The following ARHGEF7 variants were observed in gnomAD, a reference collection of about 807,000 sequenced individuals.
The protein encoded by ARHGEF7 is Rho guanine nucleotide exchange factor 7, also known as PAK-interacting exchange factor beta.
ARHGEF7 carries 33 observed loss-of-function variants against 109.8 expected under a neutral mutation model. The observed-to-expected ratio is 0.30, with a 90% CI of 0.23 to 0.40. The LOEUF (loss-of-function observed/expected upper bound fraction) is 0.40. ARHGEF7 is among the 10% of genes least tolerant of loss of function. ARHGEF7 has a pLI of 1.00. For missense variants in ARHGEF7, 938 were observed against 1,098.5 expected (o/e 0.85, Z 2.07); for synonymous variants, 458 against 424.6 (o/e 1.08, Z -0.97).
At chr13:111,242,182 G>A (rs2087907488) in intron 6 of ARHGEF7, among the ~76,000 whole-genome samples, 1 of 152,162 alleles carries the variant, frequency 6.6e-6, no homozygotes. Context: ...TCAGGGATGA[G>A]CCTGAGTTCC....
In ARHGEF7 at chr13:111,145,302, AAC is replaced by A. The variant is rs571224871; in HGVS notation, c.166-8601_166-8600del. On this transcript the variant is annotated intron_variant, in intron 1 of 21. Transcript: ENST00000646102. The surrounding 1 kb of genome is among the most constrained non-coding windows in gnomAD (Gnocchi z 4.3). ...CTCTCCAGGTTAGGGCCAGGCAGAA[AAC>A]AGATAGATGGCACACTGAACAGAGG... Among the ~76,000 whole-genome samples the A allele has an allele frequency of 4.4e-4, 67 of 152,320 alleles. No homozygotes were observed. The South Asian group carries it at 6.2e-3, about 14-fold the overall frequency.
intron 3 of ARHGEF7, among the ~76,000 whole-genome samples, chr13:111,206,726 C>A (rs1398329663): frequency 6.6e-6 from 1 of 152,008 alleles, no homozygotes; most frequent in East Asian, 1.9e-4. Flanking sequence ...CTTTGGGAGG[C>A]CGAGGCGGGC....
At chr13:111,176,882 C>T (rs2078216610) in intron 2 of ARHGEF7, among the ~76,000 whole-genome samples, 1 of 152,022 alleles carries the variant, frequency 6.6e-6, no homozygotes, top group Admixed American at 6.5e-5. Context: ...TCAGCCTCCC[C>T]AGTAGCTGGG....
chr13:111,257,749 A>G (rs1166352970), intron 8 of ARHGEF7, among the ~76,000 whole-genome samples: 1 of 152,262 alleles, frequency 6.6e-6, no homozygotes, highest in African/African-American at 2.4e-5. Flanking sequence ...GCCACGTAGC[A>G]CAGAGAGAAA....
Position 111,139,014 on chromosome 13 carries a change from G to C in ARHGEF7, c.166-14891G>C, listed in dbSNP as rs1367091450. ...TCATGAAAAGGGCTCAAAAAGCAAT[G>C]ACAGGTTCTCTGGAAACAAATGAAA... On this transcript the variant is annotated intron_variant, in intron 1 of 21. Transcript: ENST00000646102. 2.6e-5 allele frequency among the ~76,000 whole-genome samples: 4 copies of C among 152,304 alleles called. No homozygotes were observed. In the South Asian group the frequency reaches 8.3e-4, roughly 32 times the overall value.
At chr13:111,189,750 T>C (rs2153443745) in intron 2 of ARHGEF7, among the ~76,000 whole-genome samples, 1 of 152,326 alleles carries the variant, frequency 6.6e-6, no homozygotes, top group Non-Finnish European at 1.5e-5. Flanking sequence ...AGAGTGCTGA[T>C]TGGTGCATTT....
intron 16 of ARHGEF7, 31 bp downstream of exon 16, chr13:111,283,394 ATG>A: frequency 6.5e-7 from 1 of 1,535,208 alleles, no homozygotes; most frequent in Non-Finnish European, 8.7e-7. Context: ...AAACAGCCAG[ATG>A]ACGGTGAGCA....
At chr13:111,164,402 C>T (rs1256378619) in intron 2 of ARHGEF7, among the ~76,000 whole-genome samples, 2 of 152,228 alleles carry the variant, frequency 1.3e-5, no homozygotes, top group African/African-American at 2.4e-5. Flanking sequence ...TAGGCTGACT[C>T]CTGGCAAGGC....
chr13:111,193,337 C>G (rs983297849), intron 2 of ARHGEF7, among the ~76,000 whole-genome samples: 4 of 152,200 alleles, frequency 2.6e-5, no homozygotes, highest in East Asian at 1.9e-4. Context: ...GGAGGTTCCT[C>G]CTGGCAGCAA....
At chr13:111,220,734 A>G (rs1194611286) in intron 5 of ARHGEF7, among the ~76,000 whole-genome samples, 2 of 151,992 alleles carry the variant, frequency 1.3e-5, no homozygotes, top group African/African-American at 4.8e-5. Flanking sequence ...GTGTTTAGAA[A>G]CATGGCTCTC....
At chr13:111,262,698 G>GT (rs1309622945) in intron 8 of ARHGEF7, among the ~76,000 whole-genome samples, 1 of 152,148 alleles carries the variant, frequency 6.6e-6, no homozygotes, top group East Asian at 1.9e-4. Context: ...TTTCTCAAGT[G>GT]TTTTTTCTGA....
chr13:111,222,450 T>A (rs1373368172), intron 5 of ARHGEF7, among the ~76,000 whole-genome samples: 3 of 152,200 alleles, frequency 2.0e-5, no homozygotes, highest in African/African-American at 7.2e-5. Flanking sequence ...TTTACTATTT[T>A]ATTTTGAGAT....
intron 5 of ARHGEF7, among the ~76,000 whole-genome samples, chr13:111,231,696 C>T (rs2086079912): frequency 6.6e-6 from 1 of 152,086 alleles, no homozygotes; most frequent in Non-Finnish European, 1.5e-5. Context: ...CCTCAGACCC[C>T]AGGACACTGA....
At chr13:111,204,990 GCCCACCCC>G (rs900376746) in intron 2 of ARHGEF7, among the ~76,000 whole-genome samples, 2 of 149,700 alleles carry the variant, frequency 1.3e-5, no homozygotes, top group South Asian at 2.2e-4. Context: ...AATGCCAGCA[GCCCACCCC>G]CCCACCCCGC....
chr13:111,281,770 C>T (rs1328582001), intron 15 of ARHGEF7, among the ~76,000 whole-genome samples: 1 of 152,164 alleles, frequency 6.6e-6, no homozygotes, highest in Non-Finnish European at 1.5e-5. Flanking sequence ...TCTCTGTGGC[C>T]AGACCCTCCG....
At chr13:111,216,952 G>T (rs1251362120) in intron 4 of ARHGEF7, among the ~76,000 whole-genome samples, 1 of 152,230 alleles carries the variant, frequency 6.6e-6, no homozygotes. Context: ...AGAAAAATGC[G>T]AATTAAAATA....
At chr13:111,302,228 A>G (rs910970752) in intron 21 of ARHGEF7, among the ~76,000 whole-genome samples, 3 of 152,182 alleles carry the variant, frequency 2.0e-5, no homozygotes, top group African/African-American at 7.2e-5. Context: ...GAATGTGAGT[A>G]TGAGCAGCTT....
intron 2 of ARHGEF7, among the ~76,000 whole-genome samples, chr13:111,166,243 A>G (rs967673143): frequency 6.6e-6 from 1 of 152,156 alleles, no homozygotes; most frequent in Non-Finnish European, 1.5e-5. Flanking sequence ...CTAATGTCTT[A>G]GAATGAAACC....
rs905966543 is a variant in ARHGEF7, at chr13:111,120,900, CAA to C, written c.165+5210_165+5211del. On this transcript the variant is annotated intron_variant, in intron 1 of 21. Coordinates refer to ENST00000646102, the MANE Select transcript of ARHGEF7 (RefSeq NM_001354046.2). ...CACTCGGAGGCGGAAGATTCCAGCT[CAA>C]GACTGTGAGCTTTCTCATGGAAAAC... Among the ~76,000 whole-genome samples the C allele has an allele frequency of 5.3e-5, 8 of 152,212 alleles. No homozygotes were observed. The East Asian group carries it at 1.5e-3, about 29-fold the overall frequency.
Sources: allele counts gnomAD v4.1 joint callset (sites outside exome capture counted in the v4.1 genomes callset), GRCh38; gene constraint gnomAD v4.1.1; non-coding constraint Gnocchi (gnomAD v3.1); transcripts MANE v1.5; gene names NCBI Gene and HGNC (gene_info 2026-07-23, HGNC 2026-07-21).